CDKL4: variants seen among roughly 807,000 people sequenced by gnomAD.
CDKL4 encodes the protein cyclin dependent kinase like 4.
In CDKL4, 44 loss-of-function variants were observed where a neutral mutation model predicts 42.0. That is an observed-to-expected ratio of 1.05 (90% CI 0.82 to 1.35). The LOEUF (loss-of-function observed/expected upper bound fraction) is 1.35. Among genes scored for constraint, CDKL4 ranks in the 40% most tolerant of loss-of-function variants. CDKL4 has a pLI of 0.00. For synonymous variants in CDKL4, 120 were observed against 121.6 expected (o/e 0.99, Z 0.09); for missense variants, 393 against 369.9 (o/e 1.06, Z -0.51).
chr2:39,236,081 C>A (rs1463396839), intron 1 of CDKL4, among the ~76,000 whole-genome samples: 1 of 131,300 alleles, frequency 7.6e-6, no homozygotes, highest in Admixed American at 8.0e-5. Flanking sequence ...AATATGAGGA[C>A]AATGACTCAA....
In CDKL4 at chr2:39,179,170, C is replaced by A. The variant is rs1483971414; in HGVS notation, c.927+17G>T. ...AGGAATTATTTTTATAGCACTTTAACTTTTGAGCGGAAGTACCTGTTGGCG... is the reference window on the plus strand; with the variant it reads ...AGGAATTATTTTTATAGCACTTTAAATTTTGAGCGGAAGTACCTGTTGGCG... On this transcript the variant is annotated intron_variant, in intron 9 of 9. Transcript: ENST00000451199. The A allele has an allele frequency of 6.3e-7, 1 of 1,587,370 alleles. No individual in the cohort carries two copies. The highest frequency in any genetic ancestry group is 8.5e-7 in the Non-Finnish European group (1 of 1,173,650).
At chr2:39,209,199 T>G (rs1677422728) in intron 4 of CDKL4, among the ~76,000 whole-genome samples, 1 of 151,810 alleles carries the variant, frequency 6.6e-6, no homozygotes, top group Non-Finnish European at 1.5e-5. Context: ...ATAGTCCCAG[T>G]TCCTTGGGAG....
intron 5 of CDKL4, among the ~76,000 whole-genome samples, chr2:39,198,381 A>T (rs1676646498): frequency 6.6e-6 from 1 of 152,166 alleles, no homozygotes; most frequent in Admixed American, 6.5e-5. Flanking sequence ...AGATAGTAAC[A>T]CAATAATAGT....
intron 4 of CDKL4, among the ~76,000 whole-genome samples, chr2:39,205,989 G>A (rs1010775315): frequency 2.0e-5 from 3 of 151,864 alleles, no homozygotes; most frequent in African/African-American, 7.3e-5. Context: ...CCACGATGCT[G>A]TCAGAATCCA....
At chr2:39,178,764 G>C in intron 9 of CDKL4, 1 of 1,596,428 alleles carries the variant, frequency 6.3e-7, no homozygotes. Context: ...TGCCTGCTGT[G>C]GGTGAAAAGA....
chr2:39,233,383 G>A (rs910870724), intron 1 of CDKL4, among the ~76,000 whole-genome samples: 2 of 152,096 alleles, frequency 1.3e-5, no homozygotes, highest in Non-Finnish European at 2.9e-5. Context: ...GGGAATAAAA[G>A]GACAAGAGGG....
chr2:39,246,037 G>A (rs977718282), upstream of CDKL4, among the ~76,000 whole-genome samples: 3 of 152,108 alleles, frequency 2.0e-5, no homozygotes, highest in African/African-American at 7.2e-5. Context: ...TTATTCCCAG[G>A]ACTAACTTAG....
intron 3 of CDKL4, among the ~76,000 whole-genome samples, chr2:39,220,976 C>CTTTTTTTTTTTTTTTTTTTTTTGTTTTTT (rs1678290106): frequency 2.0e-5 from 1 of 49,146 alleles, no homozygotes; most frequent in African/African-American, 7.3e-5. Flanking sequence ...CATCGACGAT[C>CTTTTTTTTTTTTTTTTTTTTTTGTTTTTT]TTTTTTTTTT....
chr2:39,170,249 G>C, the CDKL4 span, among the ~76,000 whole-genome samples: 2 of 134,582 alleles, frequency 1.5e-5, no homozygotes, highest in Non-Finnish European at 3.1e-5. Context: ...CAACACTCCA[G>C]CCTGGAGACT....
intron 5 of CDKL4, among the ~76,000 whole-genome samples, chr2:39,202,939 C>A (rs1676943964): frequency 6.6e-6 from 1 of 152,168 alleles, no homozygotes; most frequent in Non-Finnish European, 1.5e-5. Context: ...AGGTTTCAGC[C>A]AGCACTAACA....
At chr2:39,233,564 T>C (rs1679191931) in intron 1 of CDKL4, among the ~76,000 whole-genome samples, 1 of 152,136 alleles carries the variant, frequency 6.6e-6, no homozygotes, top group Non-Finnish European at 1.5e-5. Flanking sequence ...TGCATTTTAC[T>C]ACAGTGACAG....
intron 5 of CDKL4, among the ~76,000 whole-genome samples, chr2:39,196,764 C>T (rs890582677): frequency 2.0e-5 from 3 of 152,114 alleles, no homozygotes; most frequent in Non-Finnish European, 4.4e-5. Context: ...CGTGCTGCCA[C>T]GCCCGGCTAA....
chr2:39,230,002 T>C (rs757931200), intron 1 of CDKL4, among the ~76,000 whole-genome samples: 3 of 152,218 alleles, frequency 2.0e-5, no homozygotes, highest in Non-Finnish European at 4.4e-5. Context: ...AGGAGTTGTG[T>C]AAGAAGACAT....
At chr2:39,170,196 T>C in the CDKL4 span, among the ~76,000 whole-genome samples, 2 of 142,000 alleles carry the variant, frequency 1.4e-5, no homozygotes, top group Non-Finnish European at 3.0e-5. Flanking sequence ...TTTAGTCTTC[T>C]CCTAAAACAA....
intron 5 of CDKL4, among the ~76,000 whole-genome samples, chr2:39,202,968 G>C (rs7562981): frequency 0.86 from 130,190 of 152,158 alleles, 56,091 homozygotes; most frequent in Non-Finnish European, 0.92. Flanking sequence ...GTGTCTTGTA[G>C]TACCACTTTG....
intron 5 of CDKL4, among the ~76,000 whole-genome samples, chr2:39,192,704 C>T (rs1413603165): frequency 6.6e-6 from 1 of 152,010 alleles, no homozygotes; most frequent in Non-Finnish European, 1.5e-5. Flanking sequence ...TTAATGGCTG[C>T]ATAACAGCTT....
chr2:39,226,033 A>C, intron 2 of CDKL4, 73 bp from the exon 3 acceptor site: 4 of 1,399,866 alleles, frequency 2.9e-6, no homozygotes, highest in Non-Finnish European at 3.8e-6. Flanking sequence ...CCCTTAAAGA[A>C]ACTTAAAGTT....
chr2:39,190,236 T>A, intron 6 of CDKL4, 69 bp downstream of exon 6: 1 of 1,024,728 alleles, frequency 9.8e-7, no homozygotes. Context: ...TTTATTTATT[T>A]TTTATTATAG....
At chr2:39,226,456 T>TTA (rs1553393161) in intron 2 of CDKL4, among the ~76,000 whole-genome samples, 4 of 137,420 alleles carry the variant, frequency 2.9e-5, no homozygotes, top group East Asian at 4.0e-4. Flanking sequence ...TATATATATA[T>TTA]TATATATATT....
Sources: allele counts gnomAD v4.1 joint callset (sites outside exome capture counted in the v4.1 genomes callset), GRCh38; gene constraint gnomAD v4.1.1; transcripts MANE v1.5; gene names NCBI Gene and HGNC (gene_info 2026-07-23, HGNC 2026-07-21).